The following BAP1 variants were observed in gnomAD, a reference collection of about 807,000 sequenced individuals.
The protein encoded by BAP1 is BRCA1 associated deubiquitinase 1.
BAP1 carries 16 observed loss-of-function variants against 77.2 expected under a neutral mutation model. The ratio of observed to expected loss-of-function variants is 0.21; its 90% CI spans 0.14 to 0.31. The LOEUF (loss-of-function observed/expected upper bound fraction) is 0.31. Ranked by LOEUF, BAP1 falls within the 10% of genes least tolerant of loss-of-function variation. BAP1 has a pLI of 1.00. For synonymous variants in BAP1, 362 were observed against 385.2 expected (o/e 0.94, Z 0.71); for missense variants, 699 against 967.3 (o/e 0.72, Z 3.68).
At position 52,402,622 on chromosome 3, in the gene BAP1, A is replaced by G. The variant is rs2153226189; in HGVS notation, c.2036T>C (p.Ile679Thr). 1 of 1,614,192 alleles carries G rather than the reference A, an allele frequency of 6.2e-7. No individual in the cohort carries two copies. Among genetic ancestry groups the G allele is most frequent in the Non-Finnish European group, 8.5e-7 (1 of 1,180,026 alleles). Residue 679 changes from isoleucine to threonine, a missense_variant, in exon 16 of 17, where the codon ATC becomes ACC. Physicochemically the swap from Ile to Thr is moderately conservative, Grantham distance 89. Around this residue, in one of 3 missense-constraint regions of BAP1, gnomAD observed 64 missense variants for 112.1 expected, o/e 0.57. Transcript: ENST00000460680. This position sits in a 1 kb window ranked among gnomAD's most constrained non-coding sequence, Gnocchi z 5.3. ...HNYDEFICTF[I>T]SMLAQEGMLA... ...CTCACCTTCCTGAGCCAGCATGGAG[A>G]TAAAGGTGCAGATGAACTCATCGTA...
rs775467563 is a variant in BAP1 at position 52,403,990 on chromosome 3, G to T, written c.1251-96C>A. 1.5e-5 allele frequency: 20 copies of T among 1,319,450 alleles called. No individual in the cohort carries two copies. The highest frequency in any genetic ancestry group is 2.1e-5 in the Non-Finnish European group (20 of 931,370). The allele number at this position is 1,319,450 out of a possible 1,614,324, so 81.7% of individuals were successfully genotyped here. On this transcript the variant is annotated intron_variant, in intron 12 of 16. Coordinates refer to ENST00000460680, the MANE Select transcript of BAP1 (RefSeq NM_004656.4). The surrounding 1 kb of genome is among the most constrained non-coding windows in gnomAD (Gnocchi z 4.0). ...CTTAAATACATCCCGACCTCCAGGG[G>T]CTGACCCTAAAACTCCTTATACTTG...
intron 12 of BAP1, among the ~76,000 whole-genome samples, 189 bp from the exon 13 acceptor site, chr3:52,404,083 T>C: frequency 6.6e-6 from 1 of 152,188 alleles, no homozygotes; most frequent in East Asian, 1.9e-4. Context: ...CCAAGTGTCC[T>C]CAAAAGACAC....
chr3:52,406,565 G>T lies in BAP1; in HGVS notation c.660-189C>A. ...GCTGGTACCTTCCAACAAGCTGTAT[G>T]AGGGGCCTATCTGGAAGTGAACCAG... On this transcript the variant is annotated intron_variant, in intron 8 of 16. Transcript: ENST00000460680. This position sits in a 1 kb window ranked among gnomAD's most constrained non-coding sequence, Gnocchi z 4.6. 2 of 976,214 alleles carry T rather than the reference G, an allele frequency of 2.0e-6. No homozygotes were observed. Among genetic ancestry groups the T allele is most frequent in the Non-Finnish European group, 3.1e-6 (2 of 650,362 alleles). The allele number at this position is 976,214 out of a possible 1,614,324, so 60.5% of individuals were successfully genotyped here. A position where few individuals can be genotyped will look rare whatever the true frequency, so the allele number is the denominator to read the frequency against.
In BAP1 at chr3:52,406,787, AC is replaced by A; in HGVS notation, c.659+41del. On this transcript the variant is annotated intron_variant, in intron 8 of 16. Transcript: ENST00000460680. This position sits in a 1 kb window ranked among gnomAD's most constrained non-coding sequence, Gnocchi z 4.6. ...ACTCTCTGTCCCTCCCAAAGTAGGT[AC>A]AGCTCCAGAGAGTAGAACAGGGCAG... The A allele has an allele frequency of 2.6e-6, 4 of 1,542,972 alleles. No homozygotes were observed. The highest frequency in any genetic ancestry group is 3.5e-6 in the Non-Finnish European group (4 of 1,138,998).
chr3:52,404,027 T>A, intron 12 of BAP1, 133 bp from the exon 13 acceptor site: 1 of 895,736 alleles, frequency 1.1e-6, no homozygotes, highest in Non-Finnish European at 1.7e-6. Flanking sequence ...TCCAAGCAAC[T>A]TGAACTAGCC....
In BAP1 at chr3:52,403,433, C is replaced by T. The variant is rs909772484; in HGVS notation, c.1712G>A (p.Ser571Asn). 1 of 1,613,718 alleles carries T rather than the reference C, an allele frequency of 6.2e-7. No homozygotes were observed. Among genetic ancestry groups the T allele is most frequent in the African/African-American group, 1.3e-5 (1 of 74,932 alleles). The change falls in exon 13 of 17, where the codon AGT (serine) becomes AAT (asparagine). Residue 571 changes from serine to asparagine, a missense_variant. Ser to Asn is a conservative substitution (Grantham distance 46, BLOSUM62 1). Transcript: ENST00000460680. The surrounding 1 kb of genome is among the most constrained non-coding windows in gnomAD (Gnocchi z 4.0). The part of the protein sequence containing the change: ...LLHLAEDGVL[S>N]PLALTEGGKG... ...AGGCCCACCTGTCAGCGCCAGGGGA[C>T]TCAGCACCCCATCCTCAGCCAGGTG...
rs1705149295 is a variant in BAP1 at position 52,406,156 on chromosome 3, A to T, written c.783+97T>A. Reference sequence around the variant, plus strand: ...TAGCTGAAGCCCAGATCTACAAGAGAGTATGTTCACGAATCAGAGACAAAT... The same window carrying T: ...TAGCTGAAGCCCAGATCTACAAGAGTGTATGTTCACGAATCAGAGACAAAT... On this transcript the variant is annotated intron_variant, in intron 9 of 16. Coordinates refer to ENST00000460680, the MANE Select transcript of BAP1 (RefSeq NM_004656.4). The surrounding 1 kb of genome is among the most constrained non-coding windows in gnomAD (Gnocchi z 4.6). 5 of 1,591,976 alleles carry T rather than the reference A, an allele frequency of 3.1e-6. No homozygotes were observed. The African/African-American group carries it at 6.7e-5, about 21-fold the overall frequency.
At chr3:52,405,582 G>A (rs1455406013) in intron 10 of BAP1, 183 bp downstream of exon 10, 1 of 882,238 alleles carries the variant, frequency 1.1e-6, no homozygotes, top group Non-Finnish European at 1.7e-6. Flanking sequence ...AGGGGCCTGT[G>A]GTAACAGCGG....
At position 52,409,542 on chromosome 3, in the gene BAP1, A is replaced by ACAGC; in HGVS notation, c.122+8_122+11dup. 1 of 1,614,126 alleles carries ACAGC rather than the reference A, an allele frequency of 6.2e-7. No homozygotes were observed. The highest frequency in any genetic ancestry group is 2.2e-5 in the East Asian group (1 of 44,882). ...TGGGTGTAAGGGGCAGCCCTGGTGTACAGCCACTCACCCCTGACATTTGCT... is the reference window on the plus strand; with the variant it reads ...TGGGTGTAAGGGGCAGCCCTGGTGTACAGCCAGCCACTCACCCCTGACATTTGCT... On this transcript the variant is annotated intron_variant, in intron 3 of 16. Coordinates refer to ENST00000460680, the MANE Select transcript of BAP1 (RefSeq NM_004656.4).
rs2153226634 is a variant in BAP1 at position 52,403,523 on chromosome 3, A to G, written c.1622T>C (p.Val541Ala). 1 of 1,614,094 alleles carries G rather than the reference A, an allele frequency of 6.2e-7. No homozygotes were observed. ...LFGEDDSLLR[V>A]DCIRYNRAVR... ...AGCACGGTTGTAGCGTATGCAGTCA[A>G]CACGCAGCAGGCTGTCATCCTCTCC... is the stretch of plus-strand genomic sequence containing the variant. Residue 541 changes from valine (V) to alanine (A), a missense_variant, in exon 13 of 17, where the codon GTT becomes GCT. Transcript: ENST00000460680. This position sits in a 1 kb window ranked among gnomAD's most constrained non-coding sequence, Gnocchi z 4.0.
At chr3:52,405,947 G>A in intron 9 of BAP1, 35 bp from the exon 10 acceptor site, 1 of 1,613,148 alleles carries the variant, frequency 6.2e-7, no homozygotes, top group Admixed American at 1.7e-5. Flanking sequence ...AGGAGAAAGG[G>A]TAGACCCGGG....
At chr3:52,404,319 A>G (rs927827030) in intron 12 of BAP1, 134 bp downstream of exon 12, 8 of 1,473,328 alleles carry the variant, frequency 5.4e-6, no homozygotes, top group Non-Finnish European at 7.6e-6. Flanking sequence ...CCATCATGCC[A>G]GCCTCCCCCA....
Position 52,407,928 on chromosome 3 carries a change from G to A in BAP1, c.375+30C>T, listed in dbSNP as rs756955810. On this transcript the variant is annotated intron_variant, in intron 5 of 16. Coordinates refer to ENST00000460680, the MANE Select transcript of BAP1 (RefSeq NM_004656.4). ...CAGGGTCAGATCTGCCCAGTTGGCTGTGAGCCAGGATGAAGGCACTGCAGC... is the reference window on the plus strand; with the variant it reads ...CAGGGTCAGATCTGCCCAGTTGGCTATGAGCCAGGATGAAGGCACTGCAGC... The A allele has an allele frequency of 3.0e-5, 49 of 1,612,630 alleles. No homozygotes were observed. Among genetic ancestry groups the A allele is most frequent in the Non-Finnish European group, 4.2e-5 (49 of 1,179,846 alleles).
At position 52,404,674 on chromosome 3, in the gene BAP1, G is replaced by A. The variant is rs529417518; in HGVS notation, c.1117-88C>T. 8 of 1,538,808 alleles carry A rather than the reference G, an allele frequency of 5.2e-6. No individual in the cohort carries two copies. The African/African-American group carries it at 6.8e-5, about 13-fold the overall frequency. On this transcript the variant is annotated intron_variant, in intron 11 of 16. Coordinates refer to ENST00000460680, the MANE Select transcript of BAP1 (RefSeq NM_004656.4). ...TCACAGCCAGAGAGAAAGCCAACAT[G>A]GTTTTCCAGACTGAGTCAGCGGAAC...
At position 52,408,381 on chromosome 3, in the gene BAP1, C is replaced by A. The variant is rs2153228215; in HGVS notation, c.255+93G>T. 1.9e-6 allele frequency: 3 copies of A among 1,542,500 alleles called. No homozygotes were observed. In the South Asian group the frequency reaches 3.6e-5, roughly 18 times the overall value. ...TGTAGCTACCACCCCTAGAATCTGC[C>A]TATCTCCTCCTCCTGTCTTCCTCCA... On this transcript the variant is annotated intron_variant, in intron 4 of 16. Coordinates refer to ENST00000460680, the MANE Select transcript of BAP1 (RefSeq NM_004656.4).
rs144993791 is a variant in BAP1 at position 52,403,223 on chromosome 3, T to A, written c.1805A>T (p.Glu602Val). Residue 602 changes from glutamate (E) to valine (V), a missense_variant, in exon 14 of 17, where the codon GAG (glutamate) becomes GTG (valine). Physicochemically the swap from Glu to Val is moderately radical, Grantham distance 121 (BLOSUM62 -2). Transcript: ENST00000460680. This position sits in a 1 kb window ranked among gnomAD's most constrained non-coding sequence, Gnocchi z 4.0. ...SQGSSSPVEK[E>V]VVEATDSREK... ...TCTGCTGTCCGTGGCTTCCACGACC[T>A]CCTTCTCCACTGGGCTGCTGGACCC... 1.7e-5 allele frequency: 27 copies of A among 1,614,182 alleles called. No individual in the cohort carries two copies. In the South Asian group the frequency reaches 2.2e-4, roughly 13 times the overall value.
intron 10 of BAP1, 69 bp from the exon 11 acceptor site, chr3:52,405,363 G>T: frequency 1.3e-6 from 2 of 1,591,508 alleles, no homozygotes. Context: ...AGTCTCCCCG[G>T]CCCTGTGAAC....
At chr3:52,407,833 T>C (rs750755575) in intron 5 of BAP1, 125 bp downstream of exon 5, 1 of 1,458,616 alleles carries the variant, frequency 6.9e-7, no homozygotes, top group Non-Finnish European at 9.4e-7. Flanking sequence ...AAATGTAACA[T>C]AAACAATCAT....
At chr3:52,409,235 AATT>A (rs1045444481) in intron 3 of BAP1, among the ~76,000 whole-genome samples, 3 of 152,234 alleles carry the variant, frequency 2.0e-5, no homozygotes, top group African/African-American at 7.2e-5. Context: ...GGCACACTAA[AATT>A]AATACATTAC....
Sources: allele counts gnomAD v4.1 joint callset (sites outside exome capture counted in the v4.1 genomes callset), GRCh38; gene constraint gnomAD v4.1.1; regional missense constraint gnomAD v4.1.1; non-coding constraint Gnocchi (gnomAD v3.1); transcripts MANE v1.5; gene names NCBI Gene and HGNC (gene_info 2026-07-23, HGNC 2026-07-21).